EPC1: variants seen among roughly 807,000 people sequenced by gnomAD.
The protein encoded by EPC1 is enhancer of polycomb homolog 1.
EPC1 carries 12 observed loss-of-function variants against 98.4 expected under a neutral mutation model. That is an observed-to-expected ratio of 0.12 (90% CI 0.08 to 0.20). The LOEUF is 0.20. Among genes scored for constraint, EPC1 ranks in the 10% least tolerant of loss-of-function variants. The pLI, the probability that EPC1 is intolerant of heterozygous loss-of-function variation, is 1.00. For missense variants in EPC1, 729 were observed against 990.5 expected (o/e 0.74, Z 3.54); for synonymous variants, 357 against 363.9 (o/e 0.98, Z 0.21).
In EPC1 at chr10:32,333,602, C is replaced by A. The variant is rs1837771622; in HGVS notation, c.153+13161G>T. ...AGCCAAGATCAAATCCAGGGCACTG[C>A]CAGAAAAACATGATCTAAAAACTAA... On this transcript the variant is annotated intron_variant, in intron 1 of 13. Coordinates refer to ENST00000319778, the MANE Select transcript of EPC1 (RefSeq NM_001272004.3). Among the ~76,000 whole-genome samples the A allele has an allele frequency of 7.9e-5, 12 of 152,196 alleles. 1 individual carries two copies. In the South Asian group the frequency reaches 2.5e-3, roughly 32 times the overall value.
At chr10:32,314,352 T>C (rs964910468) in intron 1 of EPC1, among the ~76,000 whole-genome samples, 3 of 152,158 alleles carry the variant, frequency 2.0e-5, no homozygotes, top group African/African-American at 7.2e-5. Context: ...CACACTTTCA[T>C]GTCATGAGCT....
intron 1 of EPC1, among the ~76,000 whole-genome samples, chr10:32,356,600 T>C (rs1592635005): frequency 6.6e-6 from 1 of 152,142 alleles, no homozygotes; most frequent in Non-Finnish European, 1.5e-5. Flanking sequence ...AGTAAACCCA[T>C]TTTCTTTAGG....
At chr10:32,333,865 A>G (rs1564552289) in intron 1 of EPC1, among the ~76,000 whole-genome samples, 1 of 152,242 alleles carries the variant, frequency 6.6e-6, no homozygotes, top group Non-Finnish European at 1.5e-5. Flanking sequence ...ATTGACCCCA[A>G]AAGGATTCAC....
At chr10:32,278,369 TTG>T (rs1353571902) in intron 10 of EPC1, among the ~76,000 whole-genome samples, 4 of 70,438 alleles carry the variant, frequency 5.7e-5, no homozygotes, top group Non-Finnish European at 7.8e-5. Flanking sequence ...TGGTTTTTTT[TTG>T]TTTTTTTTTT....
chr10:32,365,819 CAAAAAAAAAAAAAA>C (rs55769539), intron 1 of EPC1, among the ~76,000 whole-genome samples: 5 of 38,424 alleles, frequency 1.3e-4, no homozygotes, highest in African/African-American at 1.4e-4. Context: ...CTCCGTCTCA[CAAAAAAAAAAAAAA>C]AAAAAAAAAA....
At chr10:32,289,512 T>TA (rs1040561650) in intron 6 of EPC1, among the ~76,000 whole-genome samples, 175 of 145,128 alleles carry the variant, frequency 1.2e-3, no homozygotes, top group African/African-American at 2.6e-3. Flanking sequence ...TTTACCACAA[T>TA]AAAAAAAAAA....
intron 1 of EPC1, chr10:32,344,992 C>T (rs932672823): frequency 5.8e-5 from 18 of 309,946 alleles, no homozygotes; most frequent in African/African-American, 4.1e-4. Context: ...TTTCCCCTTC[C>T]TTGGCTGCTG....
intron 1 of EPC1, among the ~76,000 whole-genome samples, chr10:32,309,724 T>C (rs1836096655): frequency 1.3e-5 from 2 of 148,670 alleles, no homozygotes; most frequent in African/African-American, 2.5e-5. Context: ...AGAAGAACAA[T>C]GTAGCCTCAT....
rs531555320 is a variant in EPC1 at position 32,276,166 on chromosome 10, G to T, written c.1745-2885C>A. Among the ~76,000 whole-genome samples, 3 of 152,274 alleles carry T rather than the reference G, an allele frequency of 2.0e-5. No homozygotes were observed. The South Asian group carries it at 6.2e-4, about 32-fold the overall frequency. On this transcript the variant is annotated intron_variant, in intron 10 of 13. Coordinates refer to ENST00000319778, the MANE Select transcript of EPC1 (RefSeq NM_001272004.3). ...TTAGTCCTCAGCTCTATCATAATTA[G>T]CTGAGTATTCCTGAGAAAGTAAATC...
intron 1 of EPC1, among the ~76,000 whole-genome samples, chr10:32,343,432 AAC>A: frequency 6.6e-6 from 1 of 152,272 alleles, no homozygotes; most frequent in South Asian, 2.1e-4. Flanking sequence ...GCTGGTCTCG[AAC>A]TCCTGACCTC....
chr10:32,331,004 A>C (rs572987802), intron 1 of EPC1, among the ~76,000 whole-genome samples: 3 of 152,214 alleles, frequency 2.0e-5, no homozygotes, highest in Non-Finnish European at 4.4e-5. Context: ...AATGCTTTAA[A>C]ATAGTGTAGA....
intron 2 of EPC1, among the ~76,000 whole-genome samples, chr10:32,297,250 CAATTA>C (rs1209217738): frequency 1.3e-5 from 2 of 149,374 alleles, no homozygotes; most frequent in Non-Finnish European, 3.0e-5. Context: ...TAAGTTCTAT[CAATTA>C]AATTGAGACC....
chr10:32,269,638 AAAAC>A (rs1230514027), intron 13 of EPC1, among the ~76,000 whole-genome samples: 3 of 152,230 alleles, frequency 2.0e-5, no homozygotes, highest in Non-Finnish European at 2.9e-5. Flanking sequence ...TTCATCTTTA[AAAAC>A]AAAAGGACAT....
rs1835840657 is a variant in EPC1 at position 32,271,491 on chromosome 10, G to A, written c.2369+63C>T. 13 of 1,519,268 alleles carry A rather than the reference G, an allele frequency of 8.6e-6. No individual in the cohort carries two copies. The Admixed American group carries it at 2.0e-4, about 23-fold the overall frequency. The allele number at this position is 1,519,268 out of a possible 1,614,324, so 94.1% of individuals were successfully genotyped here. On this transcript the variant is annotated intron_variant, in intron 13 of 13. Transcript: ENST00000319778. ...AAACACAAAGAAATAGGTAAAGAAC[G>A]ATGCTGGAGGACTGAAGTTAGATCT...
At chr10:32,344,251 G>A (rs978450684) in intron 1 of EPC1, among the ~76,000 whole-genome samples, 2 of 152,074 alleles carry the variant, frequency 1.3e-5, no homozygotes, top group African/African-American at 2.4e-5. Context: ...ACCACTAACA[G>A]CATGAACCAC....
chr10:32,275,570 T>C (rs1310229972), intron 10 of EPC1, among the ~76,000 whole-genome samples: 8 of 149,738 alleles, frequency 5.3e-5, no homozygotes, highest in African/African-American at 1.2e-4. Flanking sequence ...ATTGAGACCA[T>C]CCTGGCTAAC....
At chr10:32,301,391 C>CA (rs1428766462) in intron 2 of EPC1, among the ~76,000 whole-genome samples, 1 of 152,112 alleles carries the variant, frequency 6.6e-6, no homozygotes, top group Admixed American at 6.6e-5. Flanking sequence ...GCAATTCCCA[C>CA]AAAAATATCA....
chr10:32,290,750 G>A (rs565541478), intron 6 of EPC1, among the ~76,000 whole-genome samples: 28 of 151,522 alleles, frequency 1.8e-4, no homozygotes, highest in Admixed American at 4.0e-4. Context: ...TATACATTAA[G>A]GTGGGGTATA....
intron 1 of EPC1, among the ~76,000 whole-genome samples, chr10:32,368,943 G>T (rs1368410457): frequency 6.6e-6 from 1 of 152,170 alleles, no homozygotes; most frequent in African/African-American, 2.4e-5. Flanking sequence ...AAGAAACTGA[G>T]GGTCTGGACA....
Sources: allele counts gnomAD v4.1 joint callset (sites outside exome capture counted in the v4.1 genomes callset), GRCh38; gene constraint gnomAD v4.1.1; transcripts MANE v1.5; gene names NCBI Gene and HGNC (gene_info 2026-07-23, HGNC 2026-07-21).